The following GLI3 variants were observed in gnomAD, a reference collection of about 807,000 sequenced individuals.
The protein encoded by GLI3 is transcription activator GLI3.
A neutral mutation model predicts 100.8 loss-of-function variants in GLI3; 20 were observed. The ratio of observed to expected loss-of-function variants is 0.20; its 90% CI spans 0.14 to 0.29. GLI3 has a LOEUF of 0.29. Among genes scored for constraint, GLI3 ranks in the 10% least tolerant of loss-of-function variants. The pLI, the probability that GLI3 is intolerant of heterozygous loss-of-function variation, is 1.00. For missense variants in GLI3, 2,040 were observed against 2,128.5 expected, an observed-to-expected ratio of 0.96 and a Z score of 0.82; for synonymous variants, 938 against 860.5, an observed-to-expected ratio of 1.09 and a Z score of -1.58.
In GLI3 at chr7:42,022,270, T is replaced by C. The variant is rs191390567; in HGVS notation, c.1497+1198A>G. On this transcript the variant is annotated intron_variant, in intron 10 of 14. Coordinates refer to ENST00000395925, the MANE Select transcript of GLI3 (RefSeq NM_000168.6). ...GCAACCTGCGTGCTTAACACTATAA[T>C]GTAACTGCAATGCGTGGAATACATT... 2.3e-3 allele frequency among the ~76,000 whole-genome samples: 349 copies of C among 152,286 alleles called. 6 individuals are homozygous for C. The highest frequency in any genetic ancestry group is 3.7e-3 in the East Asian group (19 of 5,180).
intron 10 of GLI3, among the ~76,000 whole-genome samples, chr7:41,982,662 A>G (rs944613360): frequency 6.7e-6 from 1 of 150,202 alleles, no homozygotes; most frequent in Non-Finnish European, 1.5e-5. Context: ...GGTTTGCACT[A>G]CTGCACTCCA....
chr7:42,109,525 C>T (rs1918380), intron 3 of GLI3, among the ~76,000 whole-genome samples: 143,522 of 152,242 alleles, frequency 0.94, 68,168 homozygotes, highest in East Asian at 1. Context: ...GCCACACAAT[C>T]AGAAAGTGAG....
Position 42,250,730 on chromosome 7 carries a change from G to A in GLI3, c.-43+13264C>T, listed in dbSNP as rs139133088. On this transcript the variant is annotated intron_variant, in intron 1 of 2. Transcript: ENST00000678978. ...GAGAGGGACAGGAAGTGCCAAAAGGGCAGCTGGGTGGATTTGTATGGAGGA... is the reference window on the plus strand; with the variant it reads ...GAGAGGGACAGGAAGTGCCAAAAGGACAGCTGGGTGGATTTGTATGGAGGA... Among the ~76,000 whole-genome samples the A allele has an allele frequency of 5.1e-3, 780 of 152,332 alleles. 3 individuals carry two copies. Among genetic ancestry groups the A allele is most frequent in the African/African-American group, 0.017 (704 of 41,560 alleles).
Position 41,965,973 on chromosome 7 carries a change from C to G in GLI3, c.3100G>C (p.Ala1034Pro). The change falls in exon 15 of 15, where the codon GCG becomes CCG. Residue 1034 changes from alanine to proline, a missense_variant. By Grantham distance (27) the Ala-to-Pro change is conservative. Transcript: ENST00000395925. ...CGCTTCTCCGCGGACGTGGCCATCG[C>G]CGGGGGGTTGCAGCTGCTGAGGCTG... ...FSSLSSCNPPAMATSAEKRSL... is the reference protein window; with the variant it reads ...FSSLSSCNPPPMATSAEKRSL... The G allele has an allele frequency of 6.2e-7, 1 of 1,608,014 alleles. No individual in the cohort carries two copies. The highest frequency in any genetic ancestry group is 8.5e-7 in the Non-Finnish European group (1 of 1,179,510).
chr7:42,105,503 G>A (rs1262795798), intron 3 of GLI3, among the ~76,000 whole-genome samples: 1 of 152,186 alleles, frequency 6.6e-6, no homozygotes, highest in East Asian at 1.9e-4. Flanking sequence ...GAAGTAAGAG[G>A]AAAATGAGAG....
chr7:41,966,322 G>C lies in GLI3; in HGVS notation c.2751C>G (p.Ser917Arg). 6.2e-7 allele frequency: 1 copy of C among 1,607,752 alleles called. No homozygotes were observed. ...SEASQSDGLP[S>R]LLSLTPAQQY... ...GCTGGGCGGGCGTGAGGCTGAGCAGGCTGGGCAGGCCGTCGCTCTGGCTGG... is the reference window on the plus strand; with the variant it reads ...GCTGGGCGGGCGTGAGGCTGAGCAGCCTGGGCAGGCCGTCGCTCTGGCTGG... Residue 917 changes from serine (S) to arginine (R), a missense_variant, in exon 15 of 15, where the codon AGC (serine) becomes AGG (arginine). Ser to Arg is a moderately radical substitution (Grantham distance 110). Around this residue, in one of 5 missense-constraint regions of GLI3, gnomAD observed 1,041 missense variants for 924.0 expected, o/e 1.13. Coordinates refer to ENST00000395925, the MANE Select transcript of GLI3 (RefSeq NM_000168.6). This position sits in a 1 kb window ranked among gnomAD's most constrained non-coding sequence, Gnocchi z 5.8.
At chr7:42,081,852 A>G (rs17172007) in intron 3 of GLI3, among the ~76,000 whole-genome samples, 12,293 of 152,104 alleles carry the variant, frequency 0.081, 1,046 homozygotes, top group African/African-American at 0.22. Flanking sequence ...ATGGTCTGAA[A>G]GTGCCCGGGA....
intron 3 of GLI3, among the ~76,000 whole-genome samples, chr7:42,147,243 C>T (rs1786735753): frequency 6.6e-6 from 1 of 152,126 alleles, no homozygotes; most frequent in Non-Finnish European, 1.5e-5. Flanking sequence ...ATCCTGGGCA[C>T]TTTCTTGAGC....
intron 2 of GLI3, among the ~76,000 whole-genome samples, chr7:42,205,861 C>A (rs1788140191): frequency 6.6e-6 from 1 of 152,068 alleles, no homozygotes; most frequent in Non-Finnish European, 1.5e-5. Flanking sequence ...TGATATACGC[C>A]TGGGAAGAGA....
At chr7:42,111,396 G>T (rs1785703318) in intron 3 of GLI3, among the ~76,000 whole-genome samples, 1 of 152,172 alleles carries the variant, frequency 6.6e-6, no homozygotes, top group African/African-American at 2.4e-5. Flanking sequence ...GGACGGTGTT[G>T]TCAGTGAGTA....
Position 41,990,942 on chromosome 7 carries a change from G to A in GLI3, c.1498-12194C>T, listed in dbSNP as rs542752006. Among the ~76,000 whole-genome samples the A allele has an allele frequency of 1.0e-3, 156 of 151,742 alleles. 1 individual carries two copies. The highest frequency in any genetic ancestry group is 6.3e-4 in the South Asian group (3 of 4,800). On this transcript the variant is annotated intron_variant, in intron 10 of 14. Transcript: ENST00000395925. ...TTGCTGATCACAGAAGCACAGGCAC[G>A]TCTCAAGAACTACTGGAAGAAAGGA...
chr7:42,124,844 T>C (rs1189918848), intron 3 of GLI3, among the ~76,000 whole-genome samples: 1 of 152,232 alleles, frequency 6.6e-6, no homozygotes, highest in African/African-American at 2.4e-5. Context: ...CCACTTTTCT[T>C]TTCCTAGATG....
intron 2 of GLI3, among the ~76,000 whole-genome samples, chr7:42,218,905 C>T (rs932457730): frequency 2.6e-5 from 4 of 152,052 alleles, no homozygotes; most frequent in African/African-American, 9.7e-5. Flanking sequence ...AAAACGAAAT[C>T]ATGGGCCAAA....
chr7:42,137,445 C>T (rs967534631), intron 3 of GLI3, among the ~76,000 whole-genome samples: 3 of 152,186 alleles, frequency 2.0e-5, no homozygotes, highest in East Asian at 1.9e-4. Context: ...GCATGCTCTC[C>T]GCTCCTGGTA....
At chr7:42,193,073 G>C (rs1032391808) in intron 2 of GLI3, among the ~76,000 whole-genome samples, 14 of 152,282 alleles carry the variant, frequency 9.2e-5, no homozygotes, top group African/African-American at 3.1e-4. Context: ...CATCAAAAAG[G>C]TGACGATTTT....
intron 4 of GLI3, among the ~76,000 whole-genome samples, chr7:42,055,043 A>ATATGTG (rs1784424639): frequency 1.4e-5 from 2 of 143,240 alleles, no homozygotes; most frequent in Non-Finnish European, 3.0e-5. Flanking sequence ...ATGTATACAT[A>ATATGTG]TATATATACA....
intron 3 of GLI3, among the ~76,000 whole-genome samples, chr7:42,123,841 T>C (rs949695034): frequency 1.1e-4 from 17 of 152,222 alleles, no homozygotes; most frequent in Admixed American, 6.5e-5. Context: ...TCACACTTCA[T>C]TGTTTAAAAA....
intron 7 of GLI3, among the ~76,000 whole-genome samples, chr7:42,039,041 C>T (rs188522661): frequency 3.9e-5 from 6 of 152,278 alleles, no homozygotes; most frequent in African/African-American, 1.4e-4. Flanking sequence ...ATTAACAAAA[C>T]TACAATTCAA....
chr7:42,210,349 C>G (rs888719478), intron 2 of GLI3, among the ~76,000 whole-genome samples: 5 of 136,618 alleles, frequency 3.7e-5, no homozygotes, highest in South Asian at 2.8e-4. Flanking sequence ...CCCCCCCCCC[C>G]CCCCCAAGTT....
Sources: gnomAD v4.1 joint callset for allele counts (sites outside exome capture counted in the v4.1 genomes callset) on GRCh38, gnomAD v4.1.1 for gene constraint, gnomAD v4.1.1 regional missense constraint, Gnocchi (gnomAD v3.1) non-coding constraint, MANE v1.5 for transcripts, NCBI Gene and HGNC (gene_info 2026-07-23, HGNC 2026-07-21) for gene names.